The following ADCY3 variants were observed in gnomAD, a reference collection of about 807,000 sequenced individuals.
The protein encoded by ADCY3 is adenylate cyclase 3.
In ADCY3, 70 loss-of-function variants were observed where a neutral mutation model predicts 119.4. That is an observed-to-expected ratio of 0.59 (90% CI 0.48 to 0.72). The LOEUF is 0.72. ADCY3 is among the 30% of genes least tolerant of loss of function. ADCY3 has a pLI of 0.00. For missense variants in ADCY3, 1,238 were observed against 1,541.6 expected (o/e 0.80, Z 3.30); for synonymous variants, 672 against 621.4 (o/e 1.08, Z -1.21).
chr2:24,856,160 G>C (rs1672970667), intron 3 of ADCY3, among the ~76,000 whole-genome samples: 1 of 152,202 alleles, frequency 6.6e-6, no homozygotes, highest in Non-Finnish European at 1.5e-5. Context: ...AGGTGGCTGG[G>C]AATGAGTGTG....
intron 12 of ADCY3, 79 bp downstream of exon 12, chr2:24,831,583 A>T: frequency 9.8e-6 from 11 of 1,126,456 alleles, no homozygotes; most frequent in Non-Finnish European, 1.3e-5. Context: ...AGAAAGAATA[A>T]CTCCATCACT....
chr2:24,820,221 A>G (rs1330409566), intron 21 of ADCY3, 107 bp from the exon 22 acceptor site: 4 of 1,237,330 alleles, frequency 3.2e-6, no homozygotes, highest in Non-Finnish European at 4.4e-6. Flanking sequence ...ATGGGTCCCA[A>G]GCAGTACGGG....
intron 9 of ADCY3, among the ~76,000 whole-genome samples, chr2:24,835,525 A>G (rs961040870): frequency 6.6e-5 from 10 of 152,198 alleles, no homozygotes; most frequent in Non-Finnish European, 1.5e-4. Context: ...AAGAAAAAGC[A>G]TCAACTCCAA....
chr2:24,843,320 C>T (rs907425806), intron 3 of ADCY3, among the ~76,000 whole-genome samples: 12 of 152,160 alleles, frequency 7.9e-5, no homozygotes, highest in East Asian at 1.9e-4. Context: ...GTAGCCTCAA[C>T]GTCCTGGACT....
intron 2 of ADCY3, among the ~76,000 whole-genome samples, chr2:24,891,168 C>A (rs1212607871): frequency 6.6e-6 from 1 of 152,198 alleles, no homozygotes; most frequent in Non-Finnish European, 1.5e-5. Flanking sequence ...TGCGCCCGGC[C>A]TAGACCTTTC....
intron 16 of ADCY3, among the ~76,000 whole-genome samples, chr2:24,825,334 C>CGG (rs768838126): frequency 1.8e-4 from 15 of 81,480 alleles, no homozygotes; most frequent in African/African-American, 4.1e-4. Flanking sequence ...GTGGTTGTGG[C>CGG]GGGGGGGGGG....
intron 3 of ADCY3, among the ~76,000 whole-genome samples, chr2:24,867,986 A>T (rs1674503883): frequency 6.6e-6 from 1 of 152,162 alleles, no homozygotes; most frequent in Admixed American, 6.6e-5. Flanking sequence ...TGCAAATATG[A>T]CATAGTTGAC....
intron 3 of ADCY3, among the ~76,000 whole-genome samples, chr2:24,855,151 C>T (rs1672843199): frequency 6.6e-6 from 1 of 152,058 alleles, no homozygotes; most frequent in Non-Finnish European, 1.5e-5. Context: ...ATAAAAAGGC[C>T]CCGGTCCAGC....
chr2:24,912,551 A>ATG (rs144669155), intron 2 of ADCY3, among the ~76,000 whole-genome samples: 988 of 98,696 alleles, frequency 0.01, 13 homozygotes, highest in African/African-American at 0.041. Context: ...GTGAGCACGC[A>ATG]TGTGTGTGTG....
chr2:24,838,144 G>A (rs1670533914), intron 8 of ADCY3, among the ~76,000 whole-genome samples: 3 of 149,596 alleles, frequency 2.0e-5, no homozygotes, highest in African/African-American at 4.9e-5. Flanking sequence ...AGGAGACCCT[G>A]AGCCCCAACC....
Position 24,838,446 on chromosome 2 carries a change from G to C in ADCY3, c.1532C>G (p.Ser511Trp), listed in dbSNP as rs139407103. 4 of 1,611,882 alleles carry C rather than the reference G, an allele frequency of 2.5e-6. No individual in the cohort carries two copies. In the South Asian group the frequency reaches 4.4e-5, roughly 18 times the overall value. ...KTATQNGLNGSALPNGAPASS... is the reference protein window; with the variant it reads ...KTATQNGLNGWALPNGAPASS... ...GGTGGGGTGGGGTGGGGAACTCACC[G>C]AGCCATTGAGGCCATTCTGGGTGGC... Residue 511 changes from serine (S) to tryptophan (W), a missense_variant and splice_region_variant, in exon 8 of 22, where the codon TCG (serine) becomes TGG (tryptophan). Ser to Trp is a radical substitution (Grantham distance 177, BLOSUM62 -3). Around this residue, in one of 7 missense-constraint regions of ADCY3, gnomAD observed 499 missense variants for 571.0 expected, o/e 0.87. Coordinates refer to ENST00000679454, the MANE Select transcript of ADCY3 (RefSeq NM_004036.5).
chr2:24,856,869 G>C (rs1238110667), intron 3 of ADCY3, among the ~76,000 whole-genome samples: 1 of 152,216 alleles, frequency 6.6e-6, no homozygotes, highest in Non-Finnish European at 1.5e-5. Context: ...GGGCAGGAGT[G>C]CTTCACAGTC....
chr2:24,902,067 T>C lies in ADCY3; in HGVS notation c.675+16246A>G, dbSNP rs563079228. 3.4e-5 allele frequency among the ~76,000 whole-genome samples: 5 copies of C among 146,642 alleles called. No homozygotes were observed. In the East Asian group the frequency reaches 6.1e-4, roughly 18 times the overall value. ...GTGTGTGTGTGTGTGTGTGTGTGTG[T>C]GTGTGTGTATTTGGTTTTTTTTTTT... On this transcript the variant is annotated intron_variant, in intron 2 of 21. Coordinates refer to ENST00000679454, the MANE Select transcript of ADCY3 (RefSeq NM_004036.5).
chr2:24,882,446 T>G (rs1320107382), intron 2 of ADCY3, among the ~76,000 whole-genome samples: 3 of 152,212 alleles, frequency 2.0e-5, no homozygotes, highest in Non-Finnish European at 2.9e-5. Flanking sequence ...TCCAGATGAC[T>G]GAGAACCACA....
At chr2:24,911,802 G>C (rs1053445012) in intron 2 of ADCY3, among the ~76,000 whole-genome samples, 1 of 151,886 alleles carries the variant, frequency 6.6e-6, no homozygotes, top group Admixed American at 6.6e-5. Context: ...TCCTGCCTCA[G>C]CCTCCCAAAG....
chr2:24,868,109 G>C (rs2148782791), intron 3 of ADCY3, among the ~76,000 whole-genome samples: 1 of 152,222 alleles, frequency 6.6e-6, no homozygotes, highest in East Asian at 1.9e-4. Flanking sequence ...AAATTTCAAA[G>C]ACTTGAAATT....
At chr2:24,833,218 T>A (rs1669831601) in intron 11 of ADCY3, among the ~76,000 whole-genome samples, 1 of 152,206 alleles carries the variant, frequency 6.6e-6, no homozygotes, top group Non-Finnish European at 1.5e-5. Flanking sequence ...GCCTCCTGTG[T>A]TAAGAGTGGA....
chr2:24,918,856 G>A lies in ADCY3; in HGVS notation c.132C>T (p.Gly44=), dbSNP rs777473227. ...RTHEISVRNS[G]SCLCLPRFMR... Reference sequence around the variant, plus strand: ...TGAAGCGAGGCAGGCACAGGCAGGAGCCCGAGTTCCGGACCGAGATTTCAT... The same window carrying A: ...TGAAGCGAGGCAGGCACAGGCAGGAACCCGAGTTCCGGACCGAGATTTCAT... The change falls in exon 2 of 22, where the codon GGC becomes GGT. Residue 44 remains glycine (G), a synonymous_variant. Coordinates refer to ENST00000679454, the MANE Select transcript of ADCY3 (RefSeq NM_004036.5). This position sits in a 1 kb window ranked among gnomAD's most constrained non-coding sequence, Gnocchi z 5.4. 1.2e-6 allele frequency: 2 copies of A among 1,613,384 alleles called. No homozygotes were observed. Among genetic ancestry groups the A allele is most frequent in the South Asian group, 1.1e-5 (1 of 91,084 alleles).
intron 3 of ADCY3, among the ~76,000 whole-genome samples, chr2:24,861,493 C>T (rs1366166647): frequency 6.6e-6 from 1 of 152,178 alleles, no homozygotes; most frequent in Non-Finnish European, 1.5e-5. Flanking sequence ...GAGCCACTTC[C>T]AAACCAGGTT....
Sources: allele counts gnomAD v4.1 joint callset (sites outside exome capture counted in the v4.1 genomes callset), GRCh38; gene constraint gnomAD v4.1.1; regional missense constraint gnomAD v4.1.1; non-coding constraint Gnocchi (gnomAD v3.1); transcripts MANE v1.5; gene names NCBI Gene and HGNC (gene_info 2026-07-23, HGNC 2026-07-21).